SEMA3A: variants seen among roughly 807,000 people sequenced by gnomAD.
The protein encoded by SEMA3A is semaphorin 3A.
A neutral mutation model predicts 97.9 loss-of-function variants in SEMA3A; 29 were observed. The observed-to-expected ratio is 0.30, with a 90% CI of 0.22 to 0.40. The LOEUF is 0.40. Among genes scored for constraint, SEMA3A ranks in the 10% least tolerant of loss-of-function variants. The pLI is 1.00. For missense variants in SEMA3A, 763 were observed against 951.3 expected, an observed-to-expected ratio of 0.80 and a Z score of 2.60; for synonymous variants, 321 against 323.7, an observed-to-expected ratio of 0.99 and a Z score of 0.09.
At chr7:84,188,037 G>A (rs1797936129) in intron 1 of SEMA3A, among the ~76,000 whole-genome samples, 1 of 151,982 alleles carries the variant, frequency 6.6e-6, no homozygotes. Flanking sequence ...TATGATTGCT[G>A]CAACGCTTTA....
chr7:84,070,202 C>A (rs1242670676), intron 4 of SEMA3A, among the ~76,000 whole-genome samples: 1 of 152,098 alleles, frequency 6.6e-6, no homozygotes, highest in African/African-American at 2.4e-5. Context: ...ATGCTATGAG[C>A]ATATCATATA....
chr7:84,294,459 G>A (rs1186646336), intron 3 of SEMA3A, among the ~76,000 whole-genome samples: 1 of 151,866 alleles, frequency 6.6e-6, no homozygotes, highest in East Asian at 1.9e-4. Flanking sequence ...TTTATATTAG[G>A]ATATTTGTCC....
chr7:84,419,194 G>A (rs917498530), intron 1 of SEMA3A, among the ~76,000 whole-genome samples: 1 of 152,024 alleles, frequency 6.6e-6, no homozygotes, highest in African/African-American at 2.4e-5. Flanking sequence ...ATTTGAAGAG[G>A]CAATTATTTA....
chr7:84,374,539 T>C (rs1051380557), intron 1 of SEMA3A, among the ~76,000 whole-genome samples: 4 of 152,254 alleles, frequency 2.6e-5, no homozygotes, highest in African/African-American at 9.6e-5. Context: ...TAAAACTGTC[T>C]CTGGTTTATA....
At chr7:84,433,093 A>G (rs1584321838) in intron 1 of SEMA3A, among the ~76,000 whole-genome samples, 1 of 151,664 alleles carries the variant, frequency 6.6e-6, no homozygotes. Context: ...TATTATTATT[A>G]TACTTTAAGT....
At chr7:83,978,302 G>A (rs972482364) in intron 14 of SEMA3A, among the ~76,000 whole-genome samples, 2 of 152,208 alleles carry the variant, frequency 1.3e-5, no homozygotes, top group African/African-American at 2.4e-5. Flanking sequence ...AAAATCAAAC[G>A]ATTTCTTCTA....
Position 84,210,918 on chromosome 7 carries a change from A to AT in SEMA3A, c.-82-16251dup, listed in dbSNP as rs201320820. Among the ~76,000 whole-genome samples the AT allele has an allele frequency of 8.9e-3, 1,340 of 151,306 alleles. 25 individuals are homozygous for AT. Among genetic ancestry groups the AT allele is most frequent in the South Asian group, 0.05 (241 of 4,794 alleles). The stretch of plus-strand genomic sequence containing the variant: ...TGCAGGCTTAAGCATTGCAAATAAT[A>AT]TTTTTTTTTAATGTTATGGCTAGAT... On this transcript the variant is annotated intron_variant, in intron 3 of 3. Transcript: ENST00000424555.
intron 15 of SEMA3A, among the ~76,000 whole-genome samples, chr7:83,975,541 T>C (rs1169518939): frequency 6.6e-6 from 1 of 152,166 alleles, no homozygotes; most frequent in Non-Finnish European, 1.5e-5. Flanking sequence ...GTATCTAGAT[T>C]ATAACTTGAA....
intron 1 of SEMA3A, among the ~76,000 whole-genome samples, chr7:84,380,421 T>C (rs927297928): frequency 1.3e-5 from 2 of 152,074 alleles, no homozygotes; most frequent in Non-Finnish European, 2.9e-5. Context: ...CAGAAGTTCT[T>C]TTGTGTGATA....
chr7:84,465,478 T>C (rs1805967628), intron 1 of SEMA3A, among the ~76,000 whole-genome samples: 1 of 152,192 alleles, frequency 6.6e-6, no homozygotes, highest in Admixed American at 6.5e-5. Context: ...TATTTATTCA[T>C]ATGTGTTCTT....
intron 4 of SEMA3A, among the ~76,000 whole-genome samples, chr7:84,061,389 G>A (rs1444058204): frequency 6.6e-6 from 1 of 152,162 alleles, no homozygotes; most frequent in African/African-American, 2.4e-5. Context: ...TTGAGACCCT[G>A]TTGTCAGAAT....
chr7:84,474,791 A>T (rs1806236763), intron 1 of SEMA3A, among the ~76,000 whole-genome samples: 1 of 152,138 alleles, frequency 6.6e-6, no homozygotes. Context: ...AATAAGCCCC[A>T]TACACAGTAA....
At chr7:84,064,253 A>G (rs1390454104) in intron 4 of SEMA3A, among the ~76,000 whole-genome samples, 1 of 152,132 alleles carries the variant, frequency 6.6e-6, no homozygotes, top group African/African-American at 2.4e-5. Context: ...CTGCCCTAAA[A>G]GAGCTCCTGA....
At chr7:84,148,655 C>T (rs977847493) in intron 1 of SEMA3A, among the ~76,000 whole-genome samples, 1 of 152,154 alleles carries the variant, frequency 6.6e-6, no homozygotes, top group African/African-American at 2.4e-5. Flanking sequence ...CCTTGAACAA[C>T]ATGGGTTTAA....
chr7:83,965,666 ATTTTTTTTTTTTTTTTT>A (rs1181530901), intron 15 of SEMA3A, among the ~76,000 whole-genome samples: 2 of 11,792 alleles, frequency 1.7e-4, no homozygotes, highest in African/African-American at 4.9e-4. Context: ...ATATATATAT[ATTTTTTTTTTTTTTTTT>A]TTTTTTTTTT....
At chr7:84,036,331 G>T (rs562371925) in intron 6 of SEMA3A, among the ~76,000 whole-genome samples, 79 of 152,052 alleles carry the variant, frequency 5.2e-4, no homozygotes, top group Non-Finnish European at 7.5e-4. Flanking sequence ...TGGAAGGCAG[G>T]GTTTTCACTT....
chr7:84,403,992 C>A (rs879877035), intron 1 of SEMA3A, among the ~76,000 whole-genome samples: 1 of 152,186 alleles, frequency 6.6e-6, no homozygotes, highest in Non-Finnish European at 1.5e-5. Flanking sequence ...AGCGCCTCTC[C>A]TCCTCCAACG....
intron 2 of SEMA3A, among the ~76,000 whole-genome samples, chr7:84,336,086 A>C (rs1408079070): frequency 6.6e-6 from 1 of 152,162 alleles, no homozygotes; most frequent in Non-Finnish European, 1.5e-5. Flanking sequence ...ATCTTCTTTA[A>C]AAAATATCAG....
rs1354908804 is a variant in SEMA3A, at chr7:84,214,999, G to A, written c.-82-20331C>T. On this transcript the variant is annotated intron_variant, in intron 3 of 3. Coordinates refer to the SEMA3A transcript ENST00000424555. ...TTATAGGCGTGAGCTACCACACCCA[G>A]TAGCTGGGATTCCAGGCGCATGACA... 2.6e-5 allele frequency among the ~76,000 whole-genome samples: 4 copies of A among 151,104 alleles called. 1 individual carries two copies. Among genetic ancestry groups the A allele is most frequent in the African/African-American group, 7.3e-5 (3 of 41,084 alleles).
Sources: gnomAD v4.1 joint callset for allele counts (sites outside exome capture counted in the v4.1 genomes callset) on GRCh38, gnomAD v4.1.1 for gene constraint, MANE v1.5 for transcripts, NCBI Gene and HGNC (gene_info 2026-07-23, HGNC 2026-07-21) for gene names.